The following SASH1 variants were observed in gnomAD, a reference collection of about 807,000 sequenced individuals.
SASH1 encodes SAM and SH3 domain containing 1.
A neutral mutation model predicts 125.2 loss-of-function variants in SASH1; 44 were observed. The ratio of observed to expected loss-of-function variants is 0.35; its 90% CI spans 0.28 to 0.45. The LOEUF is 0.45. Ranked by LOEUF, SASH1 falls within the 20% of genes least tolerant of loss-of-function variation. The pLI is 1.00. For synonymous variants in SASH1, 639 were observed against 649.1 expected, an observed-to-expected ratio of 0.98 and a Z score of 0.24; for missense variants, 1,426 against 1,614.5, an observed-to-expected ratio of 0.88 and a Z score of 2.00.
At chr6:148,461,162 GAAA>G (rs1409290093) in intron 4 of SASH1, among the ~76,000 whole-genome samples, 31 of 152,202 alleles carry the variant, frequency 2.0e-4, no homozygotes, top group Non-Finnish European at 4.0e-4. Flanking sequence ...ACTGCACTTA[GAAA>G]GACAGTCAAG....
intron 1 of SASH1, among the ~76,000 whole-genome samples, chr6:148,335,601 A>C (rs1781133066): frequency 6.6e-6 from 1 of 152,128 alleles, no homozygotes; most frequent in African/African-American, 2.4e-5. Flanking sequence ...CTGAAGCAAG[A>C]AAGGAGCAGG....
At chr6:148,221,204 T>A in the SASH1 span, among the ~76,000 whole-genome samples, 1 of 152,236 alleles carries the variant, frequency 6.6e-6, no homozygotes, top group Non-Finnish European at 1.5e-5. Flanking sequence ...TTTATTTTTT[T>A]TTATTATTAA....
chr6:148,350,960 A>T (rs1420838616), intron 1 of SASH1, among the ~76,000 whole-genome samples: 1 of 152,216 alleles, frequency 6.6e-6, no homozygotes, highest in African/African-American at 2.4e-5. Context: ...TCCTAGCCAG[A>T]TGTTGAACGT....
the SASH1 span, among the ~76,000 whole-genome samples, chr6:148,222,725 T>G: frequency 0.54 from 81,499 of 151,822 alleles, 22,437 homozygotes; most frequent in East Asian, 0.73. Context: ...TTATAAATTT[T>G]ATTATTGCAA....
At chr6:148,483,308 G>A (rs1172268820) in intron 7 of SASH1, among the ~76,000 whole-genome samples, 3 of 152,170 alleles carry the variant, frequency 2.0e-5, no homozygotes, top group Non-Finnish European at 4.4e-5. Flanking sequence ...AATAGACTGA[G>A]AAATCACCTT....
At chr6:148,396,660 T>C (rs1783965530) in intron 2 of SASH1, among the ~76,000 whole-genome samples, 1 of 152,122 alleles carries the variant, frequency 6.6e-6, no homozygotes, top group Non-Finnish European at 1.5e-5. Context: ...CTCTTTTGAC[T>C]GTACCACCCC....
intron 1 of SASH1, among the ~76,000 whole-genome samples, chr6:148,327,341 G>A (rs2114592834): frequency 6.6e-6 from 1 of 150,434 alleles, no homozygotes; most frequent in East Asian, 2.0e-4. Flanking sequence ...CTAGAGTGCA[G>A]TAGCACGATC....
At chr6:148,377,192 A>AAT (rs1782943867) in intron 1 of SASH1, among the ~76,000 whole-genome samples, 1 of 145,372 alleles carries the variant, frequency 6.9e-6, no homozygotes, top group South Asian at 2.3e-4. Context: ...AACAAAAAAA[A>AAT]AACAAAAAAA....
At chr6:148,293,621 G>C (rs970730456) in intron 1 of SASH1, among the ~76,000 whole-genome samples, 1 of 152,064 alleles carries the variant, frequency 6.6e-6, no homozygotes, top group African/African-American at 2.4e-5. Context: ...GGAGGGGGAG[G>C]GGAATTGGAG....
chr6:148,222,537 C>T, the SASH1 span, among the ~76,000 whole-genome samples: 1 of 151,996 alleles, frequency 6.6e-6, no homozygotes, highest in African/African-American at 2.4e-5. Context: ...AAGAAGTGAA[C>T]TACATAAGCC....
intron 1 of SASH1, among the ~76,000 whole-genome samples, chr6:148,363,516 T>C (rs561817591): frequency 6.6e-6 from 1 of 152,152 alleles, no homozygotes; most frequent in South Asian, 2.1e-4. Context: ...ATTCTCTGCC[T>C]CAGCCTCCTG....
chr6:148,326,369 TA>T (rs1780821738), intron 1 of SASH1, among the ~76,000 whole-genome samples: 2 of 57,008 alleles, frequency 3.5e-5, no homozygotes, highest in African/African-American at 6.2e-5. Context: ...CATATATATA[TA>T]TATACATTCT....
the SASH1 span, among the ~76,000 whole-genome samples, chr6:148,246,701 C>G: frequency 1.3e-5 from 2 of 152,170 alleles, no homozygotes; most frequent in Non-Finnish European, 2.9e-5. Context: ...ATCTGACATG[C>G]TTGTAAACAA....
At chr6:148,261,782 C>T in the SASH1 span, among the ~76,000 whole-genome samples, 10 of 152,050 alleles carry the variant, frequency 6.6e-5, no homozygotes, top group African/African-American at 2.4e-4. Context: ...TTCATGCTGC[C>T]CCTGCCAAAC....
At position 148,444,721 on chromosome 6, in the gene SASH1, G is replaced by C. The variant is rs368240958; in HGVS notation, c.386+4314G>C. Among the ~76,000 whole-genome samples, 43 of 152,292 alleles carry C rather than the reference G, an allele frequency of 2.8e-4. 2 individuals are homozygous for C. The highest frequency in any genetic ancestry group is 9.1e-4 in the African/African-American group (38 of 41,554). On this transcript the variant is annotated intron_variant, in intron 4 of 19. Transcript: ENST00000367467. ...CTATCTGTTACTGGAAGGGGGTCCT[G>C]ATCTAGACCCCAAGAGAGGGTTCTT...
chr6:148,245,634 G>T, the SASH1 span, among the ~76,000 whole-genome samples: 3 of 152,154 alleles, frequency 2.0e-5, no homozygotes, highest in Non-Finnish European at 4.4e-5. Flanking sequence ...TGAGAAGGGG[G>T]TAGTGTTTTG....
intron 19 of SASH1, among the ~76,000 whole-genome samples, chr6:148,547,108 G>A (rs1280820322): frequency 6.6e-6 from 1 of 151,992 alleles, no homozygotes; most frequent in African/African-American, 2.4e-5. Flanking sequence ...TTCTTATTAA[G>A]TCAAGAACTC....
At chr6:148,324,400 GTGTTCCCTGCCTCAGTGAGTAGCAC>G (rs1780741511) in intron 1 of SASH1, among the ~76,000 whole-genome samples, 1 of 152,096 alleles carries the variant, frequency 6.6e-6, no homozygotes, top group Non-Finnish European at 1.5e-5. Context: ...TCCCACATCT[GTGTTCCCTGCCTCAGTGAGTAGCAC>G]TGTCCCCTGC....
intron 2 of SASH1, among the ~76,000 whole-genome samples, chr6:148,416,079 C>G (rs1784804732): frequency 6.6e-6 from 1 of 152,204 alleles, no homozygotes; most frequent in East Asian, 1.9e-4. Flanking sequence ...TGGCCTTTGT[C>G]TTAGCAGGTT....
Sources: allele counts gnomAD v4.1 joint callset (sites outside exome capture counted in the v4.1 genomes callset), GRCh38; gene constraint gnomAD v4.1.1; transcripts MANE v1.5; gene names NCBI Gene and HGNC (gene_info 2026-07-23, HGNC 2026-07-21).